The following PREX2 variants were observed in gnomAD, a reference collection of about 807,000 sequenced individuals.
The protein encoded by PREX2 is phosphatidylinositol 3,4,5-trisphosphate-dependent Rac exchanger 2 protein.
In PREX2, 107 loss-of-function variants were observed where a neutral mutation model predicts 203.2. That is an observed-to-expected ratio of 0.53 (90% CI 0.45 to 0.62). The LOEUF (loss-of-function observed/expected upper bound fraction) is 0.62, where lower values mean the gene tolerates loss of function less well. Among genes scored for constraint, PREX2 ranks in the 20% least tolerant of loss-of-function variants. The pLI is 0.00. For synonymous variants in PREX2, 672 were observed against 663.6 expected (o/e 1.01, Z -0.19); for missense variants, 1,777 against 1,955.9 (o/e 0.91, Z 1.72).
chr8:67,998,246 G>A (rs946709853), intron 1 of PREX2, among the ~76,000 whole-genome samples: 1 of 152,078 alleles, frequency 6.6e-6, no homozygotes, highest in African/African-American at 2.4e-5. Flanking sequence ...AATGCTGGAA[G>A]GTCTCAGAAG....
chr8:67,978,066 C>T (rs981212461), intron 1 of PREX2, among the ~76,000 whole-genome samples: 7 of 152,150 alleles, frequency 4.6e-5, no homozygotes, highest in Admixed American at 1.3e-4. Flanking sequence ...CAACCCGGGG[C>T]ATGTGATTGG....
intron 24 of PREX2, chr8:68,108,911 T>C: frequency 3.4e-6 from 1 of 296,606 alleles, no homozygotes; most frequent in South Asian, 3.2e-5. Flanking sequence ...TAAATGAACC[T>C]GGAAGATATT....
intron 35 of PREX2, among the ~76,000 whole-genome samples, chr8:68,168,861 A>G: frequency 6.6e-6 from 1 of 151,242 alleles, no homozygotes; most frequent in East Asian, 1.9e-4. Flanking sequence ...AAACCATTTC[A>G]TTCTGGAAAG....
chr8:68,138,840 A>G (rs1240617736), intron 33 of PREX2, among the ~76,000 whole-genome samples: 1 of 152,084 alleles, frequency 6.6e-6, no homozygotes, highest in Non-Finnish European at 1.5e-5. Flanking sequence ...TATTATTTTT[A>G]TATGTCTCTT....
intron 35 of PREX2, among the ~76,000 whole-genome samples, chr8:68,191,169 T>C (rs1812285391): frequency 6.6e-6 from 1 of 152,166 alleles, no homozygotes; most frequent in Non-Finnish European, 1.5e-5. Context: ...ATTGAACCCT[T>C]AGAGAGAGTT....
chr8:68,025,978 CT>C (rs1359969695), intron 4 of PREX2, among the ~76,000 whole-genome samples: 1 of 152,028 alleles, frequency 6.6e-6, no homozygotes, highest in Non-Finnish European at 1.5e-5. Flanking sequence ...TGCTAACATA[CT>C]GGAATGGAAA....
At chr8:67,999,423 T>G (rs920198498) in intron 1 of PREX2, among the ~76,000 whole-genome samples, 4 of 118,550 alleles carry the variant, frequency 3.4e-5, no homozygotes, top group Admixed American at 1.1e-4. Flanking sequence ...ATCGATTCCC[T>G]AAACAGACCA....
At chr8:68,125,434 A>G (rs761552486) in intron 30 of PREX2, among the ~76,000 whole-genome samples, 41 of 152,100 alleles carry the variant, frequency 2.7e-4, no homozygotes, top group Non-Finnish European at 5.0e-4. Flanking sequence ...AGGTGTCATA[A>G]TTCTATGATC....
At chr8:67,988,549 C>T (rs1806503610) in intron 1 of PREX2, among the ~76,000 whole-genome samples, 1 of 152,204 alleles carries the variant, frequency 6.6e-6, no homozygotes, top group East Asian at 1.9e-4. Context: ...CTACCTGACT[C>T]TTCTCTTTCA....
intron 4 of PREX2, among the ~76,000 whole-genome samples, chr8:68,025,629 C>T (rs1327884100): frequency 6.6e-6 from 1 of 152,006 alleles, no homozygotes; most frequent in East Asian, 1.9e-4. Context: ...AAGTTACACA[C>T]ATATTGGTAA....
intron 3 of PREX2, 135 bp from the exon 4 acceptor site, chr8:68,021,901 T>C (rs1807579087): frequency 1.8e-6 from 1 of 543,464 alleles, no homozygotes; most frequent in African/African-American, 1.9e-5. Flanking sequence ...ACAAAATTTA[T>C]ATATAGCTGT....
At chr8:67,959,159 A>C (rs1005444196) in intron 1 of PREX2, among the ~76,000 whole-genome samples, 1 of 152,226 alleles carries the variant, frequency 6.6e-6, no homozygotes, top group African/African-American at 2.4e-5. Context: ...CAAAGGCTGA[A>C]ACAAAGAACT....
chr8:68,035,814 T>A (rs1808009977), intron 6 of PREX2, among the ~76,000 whole-genome samples: 1 of 152,134 alleles, frequency 6.6e-6, no homozygotes, highest in Non-Finnish European at 1.5e-5. Context: ...CTGCTTTAAG[T>A]GTTAAAGGTA....
At chr8:68,028,884 A>G (rs1223552822) in intron 5 of PREX2, among the ~76,000 whole-genome samples, 1 of 151,998 alleles carries the variant, frequency 6.6e-6, no homozygotes, top group Non-Finnish European at 1.5e-5. Flanking sequence ...TCCCAAAAGA[A>G]AGCATCGTGG....
In PREX2 at chr8:68,030,616, A is replaced by G. The variant is rs142449465; in HGVS notation, c.663A>G (p.Leu221=). 1.9e-6 allele frequency: 3 copies of G among 1,613,738 alleles called. No homozygotes were observed. The highest frequency in any genetic ancestry group is 1.7e-5 in the Admixed American group (1 of 60,008). Residue 221 remains leucine (L), a synonymous_variant, in exon 6 of 40, where the codon TTA becomes TTG. Coordinates refer to ENST00000288368, the MANE Select transcript of PREX2 (RefSeq NM_024870.4). The part of the protein sequence containing the change: ...INEAKRQMEK[L]EVLEEWQSHI... ...AGGCCAAGAGACAGATGGAGAAGTT[A>G]GAAGTTTTAGAGGAATGGCAGTCTC... is the stretch of plus-strand genomic sequence containing the variant.
chr8:68,006,208 C>T (rs1014074199), intron 1 of PREX2, among the ~76,000 whole-genome samples: 11 of 152,160 alleles, frequency 7.2e-5, no homozygotes, highest in East Asian at 3.9e-4. Flanking sequence ...AGAGGAGCCT[C>T]CTCTTCCCCA....
intron 18 of PREX2, among the ~76,000 whole-genome samples, chr8:68,084,632 C>T (rs1809628698): frequency 6.6e-6 from 1 of 152,070 alleles, no homozygotes; most frequent in South Asian, 2.1e-4. Flanking sequence ...GCCTGACACT[C>T]ACTTTTTACT....
At chr8:68,158,071 A>G (rs5892140) in intron 35 of PREX2, among the ~76,000 whole-genome samples, 5 of 132,940 alleles carry the variant, frequency 3.8e-5, no homozygotes, top group Non-Finnish European at 4.9e-5. Context: ...GAATATATAT[A>G]TGTATATATA....
chr8:68,103,558 A>G (rs773349194), intron 23 of PREX2: 7 of 518,730 alleles, frequency 1.3e-5, no homozygotes. Flanking sequence ...CCTTTCTTTG[A>G]TCTTTCTCCT....
Sources: allele counts gnomAD v4.1 joint callset (sites outside exome capture counted in the v4.1 genomes callset), GRCh38; gene constraint gnomAD v4.1.1; transcripts MANE v1.5; gene names NCBI Gene and HGNC (gene_info 2026-07-23, HGNC 2026-07-21).